Variants in DUSP16 observed in about 807,000 individuals in gnomAD.
DUSP16 encodes dual specificity protein phosphatase 16.
A neutral mutation model predicts 58.3 loss-of-function variants in DUSP16; 21 were observed. The ratio of observed to expected loss-of-function variants is 0.36; its 90% confidence interval spans 0.26 to 0.52. The LOEUF (loss-of-function observed/expected upper bound fraction) is 0.52. Among genes scored for constraint, DUSP16 ranks in the 20% least tolerant of loss-of-function variants. The pLI, the probability that DUSP16 is intolerant of heterozygous loss-of-function variation, is 0.94. For missense variants in DUSP16, 726 were observed against 819.0 expected (o/e 0.89, Z 1.39); for synonymous variants, 320 against 323.8 (o/e 0.99, Z 0.12).
intron 1 of DUSP16, among the ~76,000 whole-genome samples, chr12:12,548,853 A>G (rs564289752): frequency 2.0e-5 from 3 of 152,028 alleles, no homozygotes; most frequent in East Asian, 3.9e-4. Flanking sequence ...AATCGTGGAG[A>G]AAAGGGGAAA....
In DUSP16 at chr12:12,476,892, C is replaced by T. The variant is rs759912271; in HGVS notation, c.1939G>A (p.Gly647Arg). The change falls in exon 7 of 7, where the codon GGG becomes AGG. Residue 647 changes from glycine (G) to arginine (R), a missense_variant. By Grantham distance (125) the Gly-to-Arg change is moderately radical (BLOSUM62 -2). Transcript: ENST00000298573. ...MSENRSREEL[G>R]KVGSQSSFSG... ...AAGCTAGACTGACTGCCCACTTTCC[C>T]CAGCTCTTCCCGTGACCTGTTCTCT... 3 of 1,613,412 alleles carry T rather than the reference C, an allele frequency of 1.9e-6. No homozygotes were observed. Among genetic ancestry groups the T allele is most frequent in the East Asian group, 4.5e-5 (2 of 44,884 alleles).
Position 12,477,205 on chromosome 12 carries a change from A to G in DUSP16, c.1626T>C (p.Asp542=). 1 of 1,614,200 alleles carries G rather than the reference A, an allele frequency of 6.2e-7. No individual in the cohort carries two copies. The highest frequency in any genetic ancestry group is 8.5e-7 in the Non-Finnish European group (1 of 1,180,024). The part of the protein sequence containing the change: ...AGLGLKGWHS[D]ILAPQTSTPS... ...GGGTAGAGGTCTGGGGGGCCAAGAT[A>G]TCCGAGTGCCAGCCCTTAAGGCCCA... The change falls in exon 7 of 7, where the codon GAT becomes GAC. Residue 542 remains aspartate (D), a synonymous_variant. Coordinates refer to ENST00000298573, the MANE Select transcript of DUSP16 (RefSeq NM_030640.3). This position sits in a 1 kb window ranked among gnomAD's most constrained non-coding sequence, Gnocchi z 4.1.
At chr12:12,507,192 TAAAC>T (rs1482573940) in intron 3 of DUSP16, among the ~76,000 whole-genome samples, 3 of 152,332 alleles carry the variant, frequency 2.0e-5, no homozygotes, top group Admixed American at 6.5e-5. Context: ...ATTTACATAA[TAAAC>T]AAAAGTAGCA....
chr12:12,544,899 T>C (rs1944618948), intron 1 of DUSP16, among the ~76,000 whole-genome samples: 1 of 152,234 alleles, frequency 6.6e-6, no homozygotes, highest in South Asian at 2.1e-4. Flanking sequence ...TCTTTCCACA[T>C]TGCTGTAAAG....
chr12:12,494,994 C>T (rs771439562), intron 4 of DUSP16, among the ~76,000 whole-genome samples: 8 of 152,052 alleles, frequency 5.3e-5, no homozygotes, highest in Non-Finnish European at 1.2e-4. Flanking sequence ...GAGCACAGCC[C>T]AGCGCATTAC....
chr12:12,491,521 G>C (rs1259401781), intron 4 of DUSP16: 1 of 152,162 alleles, frequency 6.6e-6, no homozygotes, highest in Non-Finnish European at 1.5e-5. Flanking sequence ...TCAGCATGCT[G>C]TATAAAACAT....
intron 1 of DUSP16, among the ~76,000 whole-genome samples, chr12:12,549,596 T>C (rs1284412370): frequency 1.3e-5 from 2 of 151,906 alleles, no homozygotes. Context: ...AAAATAACAG[T>C]CTCCCCACCT....
chr12:12,501,922 G>A (rs112412322), intron 3 of DUSP16, among the ~76,000 whole-genome samples: 6 of 152,204 alleles, frequency 3.9e-5, no homozygotes, highest in South Asian at 2.1e-4. Flanking sequence ...CCTAGAAGGC[G>A]GAGGTTGCAG....
chr12:12,520,986 T>C lies in DUSP16; in HGVS notation c.113A>G (p.Asn38Ser). 2 of 1,614,228 alleles carry C rather than the reference T, an allele frequency of 1.2e-6. No individual in the cohort carries two copies. Among genetic ancestry groups the C allele is most frequent in the Non-Finnish European group, 1.7e-6 (2 of 1,180,046 alleles). ...AATGGCTTCCAAAATGTGGGATGTA[T>C]TGTATTCCACAAATGGCCGGCTATC... ...LIDSRPFVEY[N>S]TSHILEAINI... is the part of the protein sequence containing the mutation. Residue 38 changes from asparagine (N) to serine (S), a missense_variant, in exon 2 of 7, where the codon AAT (asparagine) becomes AGT (serine). Asn to Ser is a conservative substitution (Grantham distance 46). Coordinates refer to ENST00000298573, the MANE Select transcript of DUSP16 (RefSeq NM_030640.3).
intron 1 of DUSP16, among the ~76,000 whole-genome samples, chr12:12,557,320 G>A (rs1218118297): frequency 2.0e-5 from 3 of 151,960 alleles, no homozygotes; most frequent in Admixed American, 6.5e-5. Flanking sequence ...AGCTGGGTGC[G>A]GTGGCACACG....
chr12:12,521,225 G>A lies in DUSP16; in HGVS notation c.-127C>T. The stretch of plus-strand genomic sequence containing the variant: ...TATGAGGTCAGGCTGGTGGTGACTG[G>A]CAAAAGGAGAGTTAAACCCATTTTC... On this transcript the variant is annotated 5_prime_UTR_variant, in exon 2 of 7. Coordinates refer to ENST00000298573, the MANE Select transcript of DUSP16 (RefSeq NM_030640.3). 2 of 1,472,402 alleles carry A rather than the reference G, an allele frequency of 1.4e-6. No homozygotes were observed. The highest frequency in any genetic ancestry group is 9.0e-7 in the Non-Finnish European group (1 of 1,114,508). 91.2% of individuals were successfully genotyped at this position (1,472,402 alleles called of 1,614,324 possible).
chr12:12,529,804 G>A (rs1391892096), intron 1 of DUSP16, among the ~76,000 whole-genome samples: 1 of 152,090 alleles, frequency 6.6e-6, no homozygotes, highest in Non-Finnish European at 1.5e-5. Context: ...CCTGTGTCTT[G>A]TTTATTTCAC....
intron 4 of DUSP16, among the ~76,000 whole-genome samples, chr12:12,488,985 C>T (rs11054930): frequency 0.073 from 11,121 of 152,130 alleles, 843 homozygotes; most frequent in East Asian, 0.38. Context: ...AAAGTTGAGG[C>T]AGAAGAATCG....
intron 3 of DUSP16, chr12:12,506,049 G>A (rs1387786542): frequency 1.3e-5 from 2 of 152,134 alleles, no homozygotes; most frequent in Non-Finnish European, 2.9e-5. Context: ...CCACTCTGCT[G>A]ACATCCTCCT....
At chr12:12,516,901 T>TA (rs1365732278) in intron 3 of DUSP16, among the ~76,000 whole-genome samples, 1 of 152,194 alleles carries the variant, frequency 6.6e-6, no homozygotes, top group East Asian at 1.9e-4. Context: ...TGGTCCATAT[T>TA]AAAAAACTAA....
chr12:12,554,601 T>C (rs1944781019), intron 1 of DUSP16: 1 of 152,230 alleles, frequency 6.6e-6, no homozygotes, highest in Admixed American at 6.5e-5. Context: ...CCCACTTCTG[T>C]GTGTTTGTGC....
At chr12:12,479,555 A>G (rs936381204) in intron 6 of DUSP16, among the ~76,000 whole-genome samples, 1 of 152,116 alleles carries the variant, frequency 6.6e-6, no homozygotes, top group African/African-American at 2.4e-5. Flanking sequence ...CTGTTTTCCA[A>G]ACTTTGCAAT....
At chr12:12,489,270 A>G (rs1271729499) in intron 4 of DUSP16, among the ~76,000 whole-genome samples, 1 of 152,234 alleles carries the variant, frequency 6.6e-6, no homozygotes, top group African/African-American at 2.4e-5. Flanking sequence ...TAGGTTAACA[A>G]TCAGGCTACG....
intron 4 of DUSP16, chr12:12,491,183 AC>A (rs1565987233): frequency 6.6e-6 from 1 of 150,700 alleles, no homozygotes. Flanking sequence ...TTTTTTACAA[AC>A]TTCAATACAA....
Sources: allele counts gnomAD v4.1 joint callset (sites outside exome capture counted in the v4.1 genomes callset), GRCh38; gene constraint gnomAD v4.1.1; non-coding constraint Gnocchi (gnomAD v3.1); transcripts MANE v1.5; gene names NCBI Gene and HGNC (gene_info 2026-07-23, HGNC 2026-07-21).